Variants in PIAS3 observed in about 807,000 individuals in gnomAD.
PIAS3 encodes the protein E3 SUMO-protein ligase PIAS3.
A neutral mutation model predicts 67.6 loss-of-function variants in PIAS3; 34 were observed. The ratio of observed to expected loss-of-function variants is 0.50; its 90% CI spans 0.38 to 0.67. The LOEUF (loss-of-function observed/expected upper bound fraction) is 0.67. Among genes scored for constraint, PIAS3 ranks in the 30% least tolerant of loss-of-function variants. PIAS3 has a pLI of 0.00. For synonymous variants in PIAS3, 341 were observed against 313.8 expected (o/e 1.09, Z -0.92); for missense variants, 693 against 791.6 (o/e 0.88, Z 1.49).
At chr1:145,856,157 GC>G in intron 3 of PIAS3, 39 bp from the exon 4 acceptor site, 1 of 1,564,224 alleles carries the variant, frequency 6.4e-7, no homozygotes, top group Non-Finnish European at 8.8e-7. Context: ...TCAGCATGTA[GC>G]CCCCAGAGGG....
intron 1 of PIAS3, 48 bp downstream of exon 1, chr1:145,858,919 G>C (rs1366839334): frequency 1.4e-6 from 2 of 1,458,754 alleles, no homozygotes; most frequent in Non-Finnish European, 1.8e-6. Flanking sequence ...CGGACACGGC[G>C]TACCGCCGGG....
Position 145,853,952 on chromosome 1 carries a change from G to T in PIAS3, c.911-66C>A. ...CTGGAGGAAGCCCAGGAGTTGGTAAGGCCAGGAACAGATGGCTCTGGCTGA... is the reference window on the plus strand; with the variant it reads ...CTGGAGGAAGCCCAGGAGTTGGTAATGCCAGGAACAGATGGCTCTGGCTGA... On this transcript the variant is annotated intron_variant, in intron 7 of 13. Coordinates refer to ENST00000393045, the MANE Select transcript of PIAS3 (RefSeq NM_006099.3). The T allele has an allele frequency of 1.7e-5, 24 of 1,421,110 alleles. 1 individual carries two copies. In the South Asian group the frequency reaches 2.8e-4, roughly 16 times the overall value. 88.0% of individuals were successfully genotyped at this position (1,421,110 alleles called of 1,614,324 possible). A position where few individuals can be genotyped will look rare whatever the true frequency, so the allele number is the denominator to read the frequency against.
chr1:145,858,878 C>T, intron 1 of PIAS3, 89 bp downstream of exon 1: 1 of 1,269,652 alleles, frequency 7.9e-7, no homozygotes, highest in Non-Finnish European at 1.1e-6. Flanking sequence ...GGCGCCCACC[C>T]GAGCCCCGGC....
In PIAS3 at chr1:145,849,292, T is replaced by C. The variant is rs782619377; in HGVS notation, c.*154A>G. The C allele has an allele frequency of 3.2e-6, 2 of 630,748 alleles. No individual in the cohort carries two copies. Among genetic ancestry groups the C allele is most frequent in the Non-Finnish European group, 4.9e-6 (2 of 408,962 alleles). The allele number at this position is 630,748 out of a possible 1,614,324, so 39.1% of individuals were successfully genotyped here. A position where few individuals can be genotyped will look rare whatever the true frequency, so the allele number is the denominator to read the frequency against. ...ATATTAACCCTTTGGGTGCTGGCCT[T>C]GTCAGGCAGAGATGAGGCCAAAAGT... On this transcript the variant is annotated 3_prime_UTR_variant, in exon 14 of 14. Coordinates refer to ENST00000393045, the MANE Select transcript of PIAS3 (RefSeq NM_006099.3).
intron 9 of PIAS3, 37 bp downstream of exon 9, chr1:145,853,467 T>C: frequency 3.4e-6 from 5 of 1,466,988 alleles, no homozygotes; most frequent in South Asian, 1.3e-5. Context: ...GAGGTTCTAG[T>C]GGATGTCCTA....
chr1:145,855,991 G>T (rs1484135480), intron 4 of PIAS3, 77 bp downstream of exon 4: 1 of 1,243,358 alleles, frequency 8.0e-7, no homozygotes, highest in Non-Finnish European at 1.2e-6. Context: ...GGGACATCTC[G>T]TAAGGGTATC....
intron 1 of PIAS3, 70 bp downstream of exon 1, chr1:145,858,897 T>G (rs1553736110): frequency 7.2e-7 from 1 of 1,396,940 alleles, no homozygotes; most frequent in African/African-American, 1.5e-5. Flanking sequence ...GCACCCAGTC[T>G]CGGTCGCTTC....
intron 1 of PIAS3, 33 bp downstream of exon 1, chr1:145,858,934 G>A (rs1553736126): frequency 1.3e-6 from 2 of 1,503,410 alleles, no homozygotes; most frequent in African/African-American, 1.5e-5. Flanking sequence ...GCCGGGCTGA[G>A]TCCAGATGGG....
chr1:145,849,862 C>T, intron 13 of PIAS3, 150 bp from the exon 14 acceptor site: 1 of 1,473,694 alleles, frequency 6.8e-7, no homozygotes, highest in Non-Finnish European at 8.9e-7. Context: ...CCCTCTTTCC[C>T]CTACTTCCCT....
chr1:145,857,323 C>A, intron 1 of PIAS3: 1 of 401,248 alleles, frequency 2.5e-6, no homozygotes, highest in South Asian at 2.9e-5. Context: ...ACCTCCGAGT[C>A]CATGCAGCCT....
Position 145,854,510 on chromosome 1 carries a change from TA to T in PIAS3, c.857del (p.Leu286HisfsTer18). 6.2e-7 allele frequency: 1 copy of T among 1,614,160 alleles called. No individual in the cohort carries two copies. The highest frequency in any genetic ancestry group is 8.5e-7 in the Non-Finnish European group (1 of 1,180,004). On this transcript the variant is annotated frameshift_variant, in exon 7 of 14. Transcript: ENST00000393045. LOFTEE classifies it high-confidence loss of function. ...GGATACCCTTTGCTCTGAGTTTTTG[TA>T]GAAGGGTTCCTGCAGTCAACTGCCT... ...LVRQLTAGTLLQKLRAKGIRN... is the reference protein window; with the variant it reads ...LVRQLTAGTLXQKLRAKGIRN...
Position 145,854,818 on chromosome 1 carries a change from G to A in PIAS3, c.732C>T (p.Ile244=), listed in dbSNP as rs2101683221. 6.2e-7 allele frequency: 1 copy of A among 1,614,244 alleles called. No individual in the cohort carries two copies. The highest frequency in any genetic ancestry group is 2.2e-5 in the East Asian group (1 of 44,890). Residue 244 remains isoleucine (I), a synonymous_variant, in exon 6 of 14, where the codon ATC becomes ATT. Coordinates refer to ENST00000393045, the MANE Select transcript of PIAS3 (RefSeq NM_006099.3). The part of the protein sequence containing the change: ...EPKRPSRPIN[I]TPLARLSATV... ...TGGCTGAGAGTCGAGCCAGGGGTGTGATGTTGATGGGGCGGCTGGGCCTCT... is the reference window on the plus strand; with the variant it reads ...TGGCTGAGAGTCGAGCCAGGGGTGTAATGTTGATGGGGCGGCTGGGCCTCT...
chr1:145,857,137 T>C (rs947610944), intron 1 of PIAS3, 131 bp from the exon 2 acceptor site: 2 of 791,856 alleles, frequency 2.5e-6, no homozygotes, highest in African/African-American at 1.7e-5. Context: ...GCTTCGCAGC[T>C]AGTGGATTAC....
In PIAS3 at chr1:145,855,698, G is replaced by GT. The variant is rs587729268; in HGVS notation, c.669+37dup. 1.2e-4 allele frequency: 132 copies of GT among 1,057,930 alleles called. No homozygotes were observed. In the African/African-American group the frequency reaches 1.9e-3, roughly 15 times the overall value. 65.5% of individuals were successfully genotyped at this position (1,057,930 alleles called of 1,614,324 possible). ...TAGTTAATATTTATGAACTGAAACG[G>GT]TAAGGGATTACTGACAGAAGAAGGG... On this transcript the variant is annotated intron_variant, in intron 5 of 13. Coordinates refer to ENST00000393045, the MANE Select transcript of PIAS3 (RefSeq NM_006099.3).
In PIAS3 at chr1:145,849,488, G is replaced by A. The variant is rs781914930; in HGVS notation, c.1845C>T (p.Pro615=). Residue 615 remains proline, a synonymous_variant, in exon 14 of 14, where the codon CCC becomes CCT. Coordinates refer to ENST00000393045, the MANE Select transcript of PIAS3 (RefSeq NM_006099.3). ...TGTCTGACCGACAGCCAGTCAAAGA[G>A]GGACCTGAGGGCAGGGGTCCTCCAT... ...EGHGGPLPSG[P]SLTGCRSDII... is the part of the protein sequence containing the mutation. 5 of 1,523,812 alleles carry A rather than the reference G, an allele frequency of 3.3e-6. No homozygotes were observed. Among genetic ancestry groups the A allele is most frequent in the East Asian group, 4.7e-5 (2 of 42,618 alleles). The allele number at this position is 1,523,812 out of a possible 1,614,324, so 94.4% of individuals were successfully genotyped here.
chr1:145,856,264 G>T, intron 3 of PIAS3, 83 bp downstream of exon 3: 1 of 1,274,116 alleles, frequency 7.8e-7, no homozygotes, highest in Non-Finnish European at 1.1e-6. Context: ...TAGGAGGAGG[G>T]ATAGGGAAGA....
At position 145,849,118 on chromosome 1, in the gene PIAS3, A is replaced by G. The variant is rs1441150136; in HGVS notation, c.*328T>C. ...GCCCCTTCCCCAAGAGGCTCTAGAC[A>G]TAGTCAAGGCTGAGGGTTCAGCCCT... On this transcript the variant is annotated 3_prime_UTR_variant, in exon 14 of 14. Transcript: ENST00000393045. 7 of 215,808 alleles carry G rather than the reference A, an allele frequency of 3.2e-5. No individual in the cohort carries two copies. Among genetic ancestry groups the G allele is most frequent in the Non-Finnish European group, 9.1e-6 (1 of 110,110 alleles). 13.4% of individuals were successfully genotyped at this position (215,808 alleles called of 1,614,324 possible).
At chr1:145,857,057 C>T (rs372770582) in intron 1 of PIAS3, 51 bp from the exon 2 acceptor site, 555 of 1,530,920 alleles carry the variant, frequency 3.6e-4, no homozygotes, top group Non-Finnish European at 4.0e-4. Flanking sequence ...ACAGGCCTGC[C>T]CTGCCAAGAC....
At chr1:145,854,314 CA>C (rs749152610) in intron 7 of PIAS3, 143 bp downstream of exon 7, 122 of 641,576 alleles carry the variant, frequency 1.9e-4, no homozygotes, top group Middle Eastern at 3.5e-4. Flanking sequence ...GAAGACTGGT[CA>C]GGGGTAGAGG....
Sources: allele counts gnomAD v4.1 joint callset, GRCh38; gene constraint gnomAD v4.1.1; transcripts MANE v1.5; gene names NCBI Gene and HGNC (gene_info 2026-07-23, HGNC 2026-07-21).